XPNPEP3: variants seen among roughly 807,000 people sequenced by gnomAD.
XPNPEP3 encodes xaa-Pro aminopeptidase 3.
XPNPEP3 carries 41 observed loss-of-function variants against 60.0 expected under a neutral mutation model. The ratio of observed to expected loss-of-function variants is 0.68; its 90% CI spans 0.53 to 0.89. XPNPEP3 has a LOEUF of 0.89. Among genes scored for constraint, XPNPEP3 ranks in the 40% least tolerant of loss-of-function variants. XPNPEP3 has a pLI of 0.00. For missense variants in XPNPEP3, 598 were observed against 638.9 expected, an observed-to-expected ratio of 0.94 and a Z score of 0.69; for synonymous variants, 212 against 223.2, an observed-to-expected ratio of 0.95 and a Z score of 0.45.
chr22:40,873,637 A>G (rs1023778096), intron 2 of XPNPEP3, among the ~76,000 whole-genome samples: 7 of 151,848 alleles, frequency 4.6e-5, no homozygotes, highest in Middle Eastern at 3.4e-3. Context: ...AAATTAGCTG[A>G]GTGTGTTGAC....
intron 4 of XPNPEP3, among the ~76,000 whole-genome samples, chr22:40,900,377 G>A (rs201155885): frequency 6.6e-5 from 10 of 151,618 alleles, no homozygotes; most frequent in East Asian, 3.9e-4. Context: ...GGCTGAGGCC[G>A]GTGGATCACC....
chr22:40,867,507 T>A (rs939565800), intron 1 of XPNPEP3, among the ~76,000 whole-genome samples: 1 of 151,748 alleles, frequency 6.6e-6, no homozygotes, highest in Admixed American at 6.6e-5. Context: ...TAAAAAGATT[T>A]AAAAAAAAGA....
chr22:40,909,260 C>A, intron 6 of XPNPEP3, 25 bp downstream of exon 6: 1 of 1,582,540 alleles, frequency 6.3e-7, no homozygotes, highest in Non-Finnish European at 8.7e-7. Flanking sequence ...CTCAGTGCTA[C>A]TCCCACTAGG....
Position 40,932,394 on chromosome 22 carries a change from T to G in XPNPEP3, c.*5959T>G, listed in dbSNP as rs2058257912. 1 of 152,258 alleles carries G rather than the reference T, an allele frequency of 6.6e-6. No individual in the cohort carries two copies. The highest frequency in any genetic ancestry group is 2.1e-4 in the South Asian group (1 of 4,828). The allele number at this position is 152,258 out of a possible 1,614,324, so 9.4% of individuals were successfully genotyped here. On this transcript the variant is annotated 3_prime_UTR_variant, in exon 10 of 10. Coordinates refer to ENST00000357137, the MANE Select transcript of XPNPEP3 (RefSeq NM_022098.4). Reference sequence around the variant, plus strand: ...TAGAATCCATAGCTCAAAACAAGTTTTAAGCCTGAGAAAATATAATTTGAG... The same window carrying G: ...TAGAATCCATAGCTCAAAACAAGTTGTAAGCCTGAGAAAATATAATTTGAG...
chr22:40,923,928 A>C (rs2058225567), intron 8 of XPNPEP3, among the ~76,000 whole-genome samples: 1 of 152,164 alleles, frequency 6.6e-6, no homozygotes, highest in African/African-American at 2.4e-5. Flanking sequence ...TGAGCTATTT[A>C]GGGTCTCCAG....
chr22:40,926,571 T>C lies in XPNPEP3; in HGVS notation c.*136T>C. On this transcript the variant is annotated 3_prime_UTR_variant, in exon 10 of 10. Transcript: ENST00000357137. ...TGGGAGCATAGCAGCTGTGTGAATGTATGTAATTGTGTGTGGGGGGTTTTT... is the reference window on the plus strand; with the variant it reads ...TGGGAGCATAGCAGCTGTGTGAATGCATGTAATTGTGTGTGGGGGGTTTTT... 1 of 1,149,818 alleles carries C rather than the reference T, an allele frequency of 8.7e-7. No homozygotes were observed. The highest frequency in any genetic ancestry group is 1.3e-6 in the Non-Finnish European group (1 of 771,872). 71.2% of individuals were successfully genotyped at this position (1,149,818 alleles called of 1,614,324 possible).
At chr22:40,922,236 C>A in intron 7 of XPNPEP3, 97 bp from the exon 8 acceptor site, 1 of 1,435,232 alleles carries the variant, frequency 7.0e-7, no homozygotes, top group Non-Finnish European at 9.7e-7. Flanking sequence ...GCCCCAGCAA[C>A]AGCAGCATCT....
chr22:40,873,385 G>A (rs945428730), intron 2 of XPNPEP3, among the ~76,000 whole-genome samples: 5 of 151,754 alleles, frequency 3.3e-5, no homozygotes. Flanking sequence ...TTACATGCGT[G>A]AGCCACCATG....
intron 1 of XPNPEP3, chr22:40,859,725 A>G (rs970699079): frequency 1.3e-5 from 2 of 152,194 alleles, no homozygotes; most frequent in Admixed American, 6.5e-5. Flanking sequence ...AAAATAGCAG[A>G]TATTATAATT....
In XPNPEP3 at chr22:40,903,348, T is replaced by C. The variant is rs866538855; in HGVS notation, c.793-4239T>C. 8.5e-5 allele frequency among the ~76,000 whole-genome samples: 13 copies of C among 152,306 alleles called. No homozygotes were observed. In the South Asian group the frequency reaches 2.1e-3, roughly 24 times the overall value. ...TCATATGTTATATTTCCCCTCATTTTGGTAACCCTCTTCTGTGTGCTGTCT... is the reference window on the plus strand; with the variant it reads ...TCATATGTTATATTTCCCCTCATTTCGGTAACCCTCTTCTGTGTGCTGTCT... On this transcript the variant is annotated intron_variant, in intron 4 of 9. Coordinates refer to ENST00000357137, the MANE Select transcript of XPNPEP3 (RefSeq NM_022098.4).
intron 4 of XPNPEP3, among the ~76,000 whole-genome samples, chr22:40,905,719 A>G (rs904695007): frequency 1.3e-5 from 2 of 152,108 alleles, no homozygotes; most frequent in African/African-American, 4.8e-5. Flanking sequence ...AAATATTCCC[A>G]CCATTGCACC....
At chr22:40,901,725 A>G (rs955447735) in intron 4 of XPNPEP3, among the ~76,000 whole-genome samples, 5 of 152,160 alleles carry the variant, frequency 3.3e-5, no homozygotes, top group African/African-American at 1.2e-4. Flanking sequence ...TCCACCCACC[A>G]AAGTGCTGGG....
At chr22:40,920,292 C>T (rs971420802) in intron 7 of XPNPEP3, among the ~76,000 whole-genome samples, 3 of 152,004 alleles carry the variant, frequency 2.0e-5, no homozygotes, top group South Asian at 2.1e-4. Context: ...CGCTTGAACC[C>T]GGTGGGGGCA....
rs749519907 is a variant in XPNPEP3 at position 40,861,858 on chromosome 22, A to C, written c.64+4613A>C. The C allele has an allele frequency of 9.3e-6, 15 of 1,613,684 alleles. No individual in the cohort carries two copies. The Middle Eastern group carries it at 4.9e-4, about 53-fold the overall frequency. On this transcript the variant is annotated intron_variant, in intron 1 of 9. Transcript: ENST00000357137. ...CTCGTATGCCTCAGCTACTTCTTTG[A>C]ATTTTCTCTCTGCTTCTTCTTTATT...
Position 40,881,945 on chromosome 22 carries a change from C to A in XPNPEP3, c.357C>A (p.Asn119Lys). 1 of 1,614,128 alleles carries A rather than the reference C, an allele frequency of 6.2e-7. No homozygotes were observed. The highest frequency in any genetic ancestry group is 8.5e-7 in the Non-Finnish European group (1 of 1,180,016). Reference sequence around the variant, plus strand: ...TTCCCTATACTTTCCACCAAGACAACAATTTCCTGTACCTATGTGGATTCC... The same window carrying A: ...TTCCCTATACTTTCCACCAAGACAAAAATTTCCTGTACCTATGTGGATTCC... ...NDIPYTFHQD[N>K]NFLYLCGFQE... The change falls in exon 3 of 10, where the codon AAC becomes AAA. Residue 119 changes from asparagine to lysine, a missense_variant. By Grantham distance (94) the Asn-to-Lys change is moderately conservative. Transcript: ENST00000357137.
chr22:40,906,776 G>C (rs1160456987), intron 4 of XPNPEP3, among the ~76,000 whole-genome samples: 1 of 152,224 alleles, frequency 6.6e-6, no homozygotes, highest in Non-Finnish European at 1.5e-5. Flanking sequence ...CAAAGTACCT[G>C]AGATTGGATA....
Position 40,861,164 on chromosome 22 carries a change from T to A in XPNPEP3, c.64+3919T>A, listed in dbSNP as rs1225677959. 1.9e-6 allele frequency: 3 copies of A among 1,614,046 alleles called. No individual in the cohort carries two copies. The highest frequency in any genetic ancestry group is 2.5e-6 in the Non-Finnish European group (3 of 1,180,030). On this transcript the variant is annotated intron_variant, in intron 1 of 9. Coordinates refer to ENST00000357137, the MANE Select transcript of XPNPEP3 (RefSeq NM_022098.4). Reference sequence around the variant, plus strand: ...CTCCTGCTGAGAAAATAGGGGGATCTCTGTTGCTGGTAACCCAAGATATAC... The same window carrying A: ...CTCCTGCTGAGAAAATAGGGGGATCACTGTTGCTGGTAACCCAAGATATAC...
At chr22:40,899,902 G>A (rs1287692942) in intron 4 of XPNPEP3, among the ~76,000 whole-genome samples, 1 of 151,700 alleles carries the variant, frequency 6.6e-6, no homozygotes, top group Non-Finnish European at 1.5e-5. Context: ...CAGGTGTGGT[G>A]GCATATGCCT....
At chr22:40,862,387 G>A (rs1601486919) in intron 1 of XPNPEP3, 7 of 994,748 alleles carry the variant, frequency 7.0e-6, no homozygotes, top group Non-Finnish European at 8.4e-6. Flanking sequence ...TGCATAATAT[G>A]ACCTCTAGAT....
Sources: gnomAD v4.1 joint callset for allele counts (sites outside exome capture counted in the v4.1 genomes callset) on GRCh38, gnomAD v4.1.1 for gene constraint, MANE v1.5 for transcripts, NCBI Gene and HGNC (gene_info 2026-07-23, HGNC 2026-07-21) for gene names.